FBXL13: variants seen among roughly 807,000 people sequenced by gnomAD.
The protein encoded by FBXL13 is F-box and leucine rich repeat protein 13.
Under a neutral mutation model 83.6 loss-of-function variants are expected in FBXL13, and 67 were observed. The observed-to-expected ratio is 0.80, with a 90% CI of 0.66 to 0.98. The LOEUF (loss-of-function observed/expected upper bound fraction) is 0.98. Ranked by LOEUF, FBXL13 falls within the 50% of genes least tolerant of loss-of-function variation. The pLI is 0.00. For synonymous variants in FBXL13, 272 were observed against 299.5 expected (o/e 0.91, Z 0.95); for missense variants, 822 against 866.5 (o/e 0.95, Z 0.64).
chr7:102,876,093 C>A (rs901710855), intron 16 of FBXL13, among the ~76,000 whole-genome samples: 1 of 152,030 alleles, frequency 6.6e-6, no homozygotes, highest in Non-Finnish European at 1.5e-5. Context: ...GATGTGGGAG[C>A]AAGAAAATGT....
At chr7:102,939,605 C>T (rs755416024) in intron 8 of FBXL13, 3 of 1,589,376 alleles carry the variant, frequency 1.9e-6, no homozygotes, top group African/African-American at 1.4e-5. Context: ...CCTGTATAGC[C>T]CCTTCAATGG....
intron 17 of FBXL13, among the ~76,000 whole-genome samples, chr7:102,842,484 A>G (rs1031670525): frequency 1.3e-5 from 2 of 152,276 alleles, no homozygotes; most frequent in African/African-American, 4.8e-5. Context: ...GAGTCTATCA[A>G]CTGATGAGAA....
chr7:102,962,412 G>T (rs1246887962), intron 8 of FBXL13, among the ~76,000 whole-genome samples: 1 of 152,294 alleles, frequency 6.6e-6, no homozygotes, highest in East Asian at 1.9e-4. Flanking sequence ...AACCATTGTG[G>T]AAGTCAGTGT....
intron 11 of FBXL13, among the ~76,000 whole-genome samples, chr7:102,899,799 C>A (rs142565079): frequency 1.4e-4 from 21 of 152,274 alleles, no homozygotes; most frequent in Non-Finnish European, 1.2e-4. Flanking sequence ...AGAGGCTGGG[C>A]ACGGTGGCTC....
chr7:102,954,739 A>G (rs558954181), intron 8 of FBXL13, among the ~76,000 whole-genome samples: 1 of 152,312 alleles, frequency 6.6e-6, no homozygotes, highest in East Asian at 1.9e-4. Context: ...AGGGGTTGCC[A>G]TCCTACTCAC....
chr7:102,853,749 A>G (rs1805612777), intron 17 of FBXL13, among the ~76,000 whole-genome samples: 1 of 152,266 alleles, frequency 6.6e-6, no homozygotes, highest in South Asian at 2.1e-4. Context: ...ACATTTCTGC[A>G]GCCAAAAAAC....
intron 10 of FBXL13, among the ~76,000 whole-genome samples, chr7:102,916,086 T>C (rs1815813173): frequency 6.6e-6 from 1 of 151,802 alleles, no homozygotes; most frequent in Non-Finnish European, 1.5e-5. Context: ...CAGGCTCAAG[T>C]GATTCTCCTG....
chr7:103,033,216 C>T (rs1794700363), intron 2 of FBXL13, among the ~76,000 whole-genome samples: 1 of 151,900 alleles, frequency 6.6e-6, no homozygotes, highest in South Asian at 2.1e-4. Flanking sequence ...GAAAGAAAGA[C>T]AAGAATGGGG....
rs1256831111 is a variant in FBXL13, at chr7:103,026,858, C to A, written c.327+591G>T. 3.3e-5 allele frequency among the ~76,000 whole-genome samples: 5 copies of A among 152,076 alleles called. No homozygotes were observed. In the East Asian group the frequency reaches 9.6e-4, roughly 29 times the overall value. On this transcript the variant is annotated intron_variant, in intron 5 of 19. Transcript: ENST00000313221. ...ATTTCAAAGAATATTAATAAAATAT[C>A]TCCTACTAAATAATGTAACTACAGA... is the stretch of plus-strand genomic sequence containing the variant.
chr7:102,955,548 A>C (rs1186533339), intron 8 of FBXL13, among the ~76,000 whole-genome samples: 1 of 152,046 alleles, frequency 6.6e-6, no homozygotes, highest in Non-Finnish European at 1.5e-5. Flanking sequence ...AGCAGAACTG[A>C]AAGAGATAGA....
chr7:102,986,520 G>A (rs1328370112), intron 6 of FBXL13, among the ~76,000 whole-genome samples: 1 of 152,204 alleles, frequency 6.6e-6, no homozygotes, highest in African/African-American at 2.4e-5. Context: ...TCAAGGGACT[G>A]TGTCGATTTA....
intron 16 of FBXL13, among the ~76,000 whole-genome samples, chr7:102,869,350 A>G (rs190138812): frequency 9.9e-5 from 15 of 152,170 alleles, no homozygotes; most frequent in Admixed American, 1.3e-4. Flanking sequence ...GAGTTGTTTG[A>G]GTTCCTTGTA....
At chr7:102,921,490 G>A (rs1471007751) in intron 10 of FBXL13, among the ~76,000 whole-genome samples, 1 of 151,928 alleles carries the variant, frequency 6.6e-6, no homozygotes, top group East Asian at 1.9e-4. Flanking sequence ...GACCAGCCTG[G>A]CCAATGTGGT....
chr7:103,043,778 T>G (rs2129493426), intron 2 of FBXL13, among the ~76,000 whole-genome samples: 1 of 152,294 alleles, frequency 6.6e-6, no homozygotes, highest in Non-Finnish European at 1.5e-5. Context: ...CCTCCCAAAG[T>G]GCTGGGATTA....
At chr7:102,974,375 G>C (rs1827180619) in intron 6 of FBXL13, among the ~76,000 whole-genome samples, 1 of 152,104 alleles carries the variant, frequency 6.6e-6, no homozygotes, top group African/African-American at 2.4e-5. Context: ...GGGCGACAGA[G>C]TGAGAGTCCG....
chr7:103,028,509 C>T, intron 4 of FBXL13, 91 bp downstream of exon 5: 1 of 868,560 alleles, frequency 1.2e-6, no homozygotes, highest in Non-Finnish European at 1.6e-6. Flanking sequence ...ATGATAGGTT[C>T]TCTAAGTACC....
chr7:102,922,180 ACT>A (rs1436604073), intron 10 of FBXL13, among the ~76,000 whole-genome samples: 1 of 150,460 alleles, frequency 6.6e-6, no homozygotes, highest in Non-Finnish European at 1.5e-5. Context: ...ACAGAGGAAG[ACT>A]CTGTCTCAAA....
At chr7:103,052,809 T>G (rs1346298344) in intron 2 of FBXL13, among the ~76,000 whole-genome samples, 4 of 148,540 alleles carry the variant, frequency 2.7e-5, no homozygotes, top group South Asian at 2.1e-4. Context: ...CAGGCTGGAG[T>G]GCAGTGGCAC....
At chr7:102,970,273 C>A (rs186776247) in intron 6 of FBXL13, among the ~76,000 whole-genome samples, 91 of 152,078 alleles carry the variant, frequency 6.0e-4, no homozygotes, top group African/African-American at 2.1e-3. Context: ...AAAATAAAAT[C>A]TCTCAAAGAA....
Sources: gnomAD v4.1 joint callset for allele counts (sites outside exome capture counted in the v4.1 genomes callset) on GRCh38, gnomAD v4.1.1 for gene constraint, MANE v1.5 for transcripts, NCBI Gene and HGNC (gene_info 2026-07-23, HGNC 2026-07-21) for gene names.